Variants in C1orf141 observed in about 807,000 individuals in gnomAD.
C1orf141 encodes uncharacterized protein C1orf141.
A neutral mutation model predicts 23.2 loss-of-function variants in C1orf141; 19 were observed. The observed-to-expected ratio is 0.82, with a 90% confidence interval of 0.57 to 1.20. C1orf141 has a LOEUF of 1.20. Ranked by LOEUF, C1orf141 falls within the 50% of genes most tolerant of loss-of-function variation. The pLI is 0.00. For synonymous variants in C1orf141, 153 were observed against 154.6 expected (o/e 0.99, Z 0.08); for missense variants, 469 against 455.1 (o/e 1.03, Z -0.28).
intron 4 of C1orf141, among the ~76,000 whole-genome samples, chr1:67,116,056 G>GGC (rs748415884): frequency 6.6e-6 from 1 of 152,090 alleles, no homozygotes; most frequent in Non-Finnish European, 1.5e-5. Flanking sequence ...GTTGTCTATA[G>GGC]GCCAATGTCC....
intron 5 of C1orf141, among the ~76,000 whole-genome samples, chr1:67,114,547 G>A (rs1646149783): frequency 6.6e-6 from 1 of 152,142 alleles, no homozygotes; most frequent in African/African-American, 2.4e-5. Flanking sequence ...CCTCAGTTAA[G>A]AAGGTTGATG....
chr1:67,138,255 C>G (rs1646602697), upstream of C1orf141, among the ~76,000 whole-genome samples: 1 of 152,226 alleles, frequency 6.6e-6, no homozygotes, highest in South Asian at 2.1e-4. Context: ...CAGGTCCTCT[C>G]TGATCACTAC....
intron 1 of C1orf141, among the ~76,000 whole-genome samples, chr1:67,134,516 C>T (rs1299642802): frequency 6.6e-6 from 1 of 152,194 alleles, no homozygotes; most frequent in East Asian, 1.9e-4. Flanking sequence ...ATCAATTAAG[C>T]GGCCCCCAGA....
intron 4 of C1orf141, among the ~76,000 whole-genome samples, chr1:67,125,083 T>A (rs1458909543): frequency 1.3e-5 from 2 of 152,236 alleles, no homozygotes; most frequent in African/African-American, 2.4e-5. Flanking sequence ...AGGCTGTCCC[T>A]TTTAAGTGCA....
chr1:67,104,300 G>A (rs982750762), intron 5 of C1orf141, among the ~76,000 whole-genome samples: 1 of 152,028 alleles, frequency 6.6e-6, no homozygotes, highest in African/African-American at 2.4e-5. Context: ...TTGCAGGCGA[G>A]GTCAACAGCA....
At chr1:67,134,841 G>A (rs1357730797) in intron 1 of C1orf141, 89 bp downstream of exon 1, 1 of 152,436 alleles carries the variant, frequency 6.6e-6, no homozygotes, top group African/African-American at 2.4e-5. Flanking sequence ...GGCCGTTTAT[G>A]TAAAACGACG....
At chr1:67,093,642 A>G in intron 7 of C1orf141, 38 bp from the exon 8 acceptor site, 1 of 1,469,160 alleles carries the variant, frequency 6.8e-7, no homozygotes, top group Non-Finnish European at 9.1e-7. Flanking sequence ...TCATAAGTTC[A>G]TTGAGTCAAG....
At chr1:67,112,200 T>C (rs1169809081) in intron 5 of C1orf141, among the ~76,000 whole-genome samples, 1 of 152,196 alleles carries the variant, frequency 6.6e-6, no homozygotes, top group Admixed American at 6.5e-5. Flanking sequence ...CCTCATTTGT[T>C]AACTGGAAAC....
At chr1:67,119,934 T>C (rs1646266709) in intron 4 of C1orf141, among the ~76,000 whole-genome samples, 3 of 152,126 alleles carry the variant, frequency 2.0e-5, no homozygotes, top group Admixed American at 1.3e-4. Context: ...CAGGGCTGCC[T>C]CCACTTCTAT....
intron 4 of C1orf141, 123 bp from the exon 5 acceptor site, chr1:67,115,587 G>A (rs774179367): frequency 3.9e-6 from 2 of 511,594 alleles, no homozygotes; most frequent in South Asian, 6.2e-5. Flanking sequence ...TGTTAATGTT[G>A]TCACAGTACC....
At chr1:67,140,286 G>A (rs1646624427) in intron 1 of C1orf141, among the ~76,000 whole-genome samples, 1 of 152,030 alleles carries the variant, frequency 6.6e-6, no homozygotes. Flanking sequence ...ATTTCTGTAT[G>A]TCAAAAAAAG....
At chr1:67,099,764 G>A (rs1645757797) in intron 5 of C1orf141, among the ~76,000 whole-genome samples, 1 of 152,144 alleles carries the variant, frequency 6.6e-6, no homozygotes, top group Non-Finnish European at 1.5e-5. Context: ...CAACAAAAGT[G>A]AAACTCTGTC....
intron 5 of C1orf141, chr1:67,113,857 G>A: frequency 2.4e-6 from 1 of 417,712 alleles, no homozygotes; most frequent in Non-Finnish European, 4.6e-6. Context: ...ACCTTAAAAG[G>A]CTAGATTGAA....
chr1:67,115,609 A>T (rs1350952850), intron 4 of C1orf141, 145 bp from the exon 5 acceptor site: 7 of 456,262 alleles, frequency 1.5e-5, no homozygotes, highest in African/African-American at 2.0e-5. Flanking sequence ...AGTGTGAAAC[A>T]TTGGACTGAT....
At chr1:67,112,756 C>T (rs1358272280) in intron 5 of C1orf141, among the ~76,000 whole-genome samples, 1 of 152,128 alleles carries the variant, frequency 6.6e-6, no homozygotes, top group Non-Finnish European at 1.5e-5. Context: ...GAAATTTATT[C>T]TGTAACAGAA....
upstream of C1orf141, among the ~76,000 whole-genome samples, chr1:67,136,783 G>A (rs76912934): frequency 6.6e-6 from 1 of 152,056 alleles, no homozygotes; most frequent in Admixed American, 6.6e-5. Context: ...GATTTGCCCA[G>A]CATCTTATAA....
At chr1:67,114,952 A>C (rs1298018351) in intron 5 of C1orf141, among the ~76,000 whole-genome samples, 2 of 152,252 alleles carry the variant, frequency 1.3e-5, no homozygotes, top group East Asian at 3.8e-4. Flanking sequence ...CTGGGATTAG[A>C]GGCGTAAGCC....
upstream of C1orf141, among the ~76,000 whole-genome samples, chr1:67,135,779 T>C (rs1646579874): frequency 6.6e-6 from 1 of 151,874 alleles, no homozygotes; most frequent in Admixed American, 6.6e-5. Flanking sequence ...AGAATGTACC[T>C]TATCTGATGC....
At chr1:67,135,906 CAAAAAAAAA>C (rs59519661), upstream of C1orf141, among the ~76,000 whole-genome samples, 9 of 62,590 alleles carry the variant, frequency 1.4e-4, no homozygotes, top group East Asian at 8.8e-4. Context: ...GGCAAAACTG[CAAAAAAAAA>C]AAAAAAAAAA....
Sources: allele counts gnomAD v4.1 joint callset (sites outside exome capture counted in the v4.1 genomes callset), GRCh38; gene constraint gnomAD v4.1.1; transcripts MANE v1.5; gene names NCBI Gene and HGNC (gene_info 2026-07-23, HGNC 2026-07-21).